COL19A1: variants seen among roughly 807,000 people sequenced by gnomAD.
COL19A1 encodes the protein collagen type XIX alpha 1 chain.
A neutral mutation model predicts 190.2 loss-of-function variants in COL19A1; 159 were observed. That is an observed-to-expected ratio of 0.84 (90% CI 0.73 to 0.95). The LOEUF is 0.95. COL19A1 is among the 40% of genes least tolerant of loss of function. COL19A1 has a pLI of 0.00. For synonymous variants in COL19A1, 509 were observed against 458.9 expected, an observed-to-expected ratio of 1.11 and a Z score of -1.39; for missense variants, 1,418 against 1,431.9, an observed-to-expected ratio of 0.99 and a Z score of 0.16.
At chr6:70,160,379 T>C (rs1267169738) in intron 34 of COL19A1, among the ~76,000 whole-genome samples, 1 of 151,970 alleles carries the variant, frequency 6.6e-6, no homozygotes, top group African/African-American at 2.4e-5. Context: ...ATCACCTCCC[T>C]CCCTCTACAT....
chr6:70,142,239 A>T (rs1445041180), intron 22 of COL19A1, among the ~76,000 whole-genome samples, 163 bp downstream of exon 22: 1 of 152,120 alleles, frequency 6.6e-6, no homozygotes, highest in Non-Finnish European at 1.5e-5. Context: ...CATTTATTAC[A>T]CGCATAGTAA....
chr6:70,109,541 AGTGTGTGTGTGT>A (rs60219800), intron 16 of COL19A1, among the ~76,000 whole-genome samples: 141 of 143,988 alleles, frequency 9.8e-4, no homozygotes, highest in African/African-American at 3.1e-3. Context: ...CCGTTTTGTA[AGTGTGTGTGTGT>A]GTGTGTGTGT....
chr6:70,142,698 A>G, intron 22 of COL19A1, 69 bp from the exon 23 acceptor site: 1 of 1,378,592 alleles, frequency 7.3e-7, no homozygotes, highest in Non-Finnish European at 1.0e-6. Flanking sequence ...CTTTACAAAT[A>G]CTCAGGTACA....
intron 12 of COL19A1, among the ~76,000 whole-genome samples, chr6:70,033,823 T>G (rs1779200852): frequency 6.6e-6 from 1 of 152,162 alleles, no homozygotes; most frequent in Admixed American, 6.5e-5. Context: ...GATTTCTTGA[T>G]AGAGACATAA....
At chr6:70,118,182 T>TC (rs1369524618) in intron 16 of COL19A1, among the ~76,000 whole-genome samples, 2 of 152,146 alleles carry the variant, frequency 1.3e-5, no homozygotes, top group African/African-American at 4.8e-5. Context: ...CCTTGGATCT[T>TC]CTCCAGCCAT....
At chr6:70,180,196 C>A in intron 42 of COL19A1, 116 bp from the exon 43 acceptor site, 3 of 1,162,240 alleles carry the variant, frequency 2.6e-6, no homozygotes, top group East Asian at 4.9e-5. Flanking sequence ...AGAAATGCCA[C>A]TGGAGAGCAT....
chr6:69,983,068 C>T (rs1776137289), intron 11 of COL19A1, among the ~76,000 whole-genome samples: 1 of 151,466 alleles, frequency 6.6e-6, no homozygotes, highest in Non-Finnish European at 1.5e-5. Flanking sequence ...ATACACACAA[C>T]TTGCTGAGAT....
At chr6:70,034,369 A>C in intron 13 of COL19A1, 71 bp downstream of exon 13, 7 of 1,152,598 alleles carry the variant, frequency 6.1e-6, no homozygotes, top group Non-Finnish European at 9.2e-6. Flanking sequence ...GTGACTTCTC[A>C]TTGATACTGT....
At chr6:70,135,732 G>A (rs1200165091) in intron 18 of COL19A1, among the ~76,000 whole-genome samples, 1 of 152,202 alleles carries the variant, frequency 6.6e-6, no homozygotes, top group Non-Finnish European at 1.5e-5. Context: ...CAGAGGGCAA[G>A]GGACGGGATT....
chr6:70,201,819 C>G (rs182501648), intron 49 of COL19A1, among the ~76,000 whole-genome samples: 8 of 152,240 alleles, frequency 5.3e-5, no homozygotes, highest in Admixed American at 2.0e-4. Flanking sequence ...ATAATCCTGC[C>G]TAAAGGCACA....
chr6:70,123,626 C>A (rs1411217160), intron 17 of COL19A1, among the ~76,000 whole-genome samples: 2 of 128,690 alleles, frequency 1.6e-5, no homozygotes, highest in East Asian at 2.0e-4. Flanking sequence ...TACTATGCAG[C>A]CATAAAAAAT....
At chr6:69,867,296 C>G (rs1265595258) in intron 1 of COL19A1, 1 of 152,564 alleles carries the variant, frequency 6.6e-6, no homozygotes, top group Non-Finnish European at 1.5e-5. Context: ...CCACCACGTT[C>G]CGGAGCGTCC....
intron 14 of COL19A1, among the ~76,000 whole-genome samples, chr6:70,038,646 G>A (rs1779479238): frequency 6.6e-6 from 1 of 152,170 alleles, no homozygotes; most frequent in African/African-American, 2.4e-5. Context: ...TGGCTTGGGT[G>A]CCTTTCATGC....
intron 44 of COL19A1, among the ~76,000 whole-genome samples, chr6:70,183,583 TG>T (rs1766317758): frequency 6.6e-6 from 1 of 152,236 alleles, no homozygotes; most frequent in South Asian, 2.1e-4. Flanking sequence ...GCTTTATCCT[TG>T]TTCCTTGTGT....
At chr6:70,202,499 A>T (rs905818240) in intron 49 of COL19A1, among the ~76,000 whole-genome samples, 1 of 152,218 alleles carries the variant, frequency 6.6e-6, no homozygotes, top group South Asian at 2.1e-4. Flanking sequence ...AACTAAATTA[A>T]TCTGAAATGT....
At chr6:70,064,148 A>C (rs1441126139) in intron 14 of COL19A1, among the ~76,000 whole-genome samples, 2 of 152,206 alleles carry the variant, frequency 1.3e-5, no homozygotes, top group Non-Finnish European at 2.9e-5. Flanking sequence ...TCATCCTGAT[A>C]CCAAAGCCTG....
intron 41 of COL19A1, 90 bp from the exon 42 acceptor site, chr6:70,176,430 A>C (rs1765807243): frequency 1.4e-6 from 2 of 1,383,506 alleles, no homozygotes; most frequent in Admixed American, 1.9e-5. Context: ...GGAAAGCTTT[A>C]CCAAATCCAA....
intron 17 of COL19A1, 47 bp downstream of exon 17, chr6:70,121,989 A>G (rs750332580): frequency 6.3e-6 from 8 of 1,270,056 alleles, no homozygotes; most frequent in Non-Finnish European, 8.8e-6. Flanking sequence ...GAAATTTTAT[A>G]TGATTGTATT....
chr6:69,971,574 A>C (rs1366191070), intron 11 of COL19A1, among the ~76,000 whole-genome samples: 3 of 152,196 alleles, frequency 2.0e-5, no homozygotes, highest in Non-Finnish European at 4.4e-5. Context: ...TTCTTGAACA[A>C]GTTAGGACCC....
Sources: allele counts gnomAD v4.1 joint callset (sites outside exome capture counted in the v4.1 genomes callset), GRCh38; gene constraint gnomAD v4.1.1; transcripts MANE v1.5; gene names NCBI Gene and HGNC (gene_info 2026-07-23, HGNC 2026-07-21).